ZMAT4: variants seen among roughly 807,000 people sequenced by gnomAD.
The protein encoded by ZMAT4 is zinc finger matrin-type 4, also known as zinc finger matrin-type protein 4.
In ZMAT4, 17 loss-of-function variants were observed where a neutral mutation model predicts 28.7. The ratio of observed to expected loss-of-function variants is 0.59; its 90% CI spans 0.41 to 0.89. The LOEUF is 0.89. Ranked by LOEUF, ZMAT4 falls within the 40% of genes least tolerant of loss-of-function variation. The probability of loss-of-function intolerance (pLI) is 0.00; values close to 1 mark genes in which losing one functional copy is unlikely to be tolerated. For missense variants in ZMAT4, 240 were observed against 283.8 expected (o/e 0.85, Z 1.11); for synonymous variants, 117 against 109.2 (o/e 1.07, Z -0.44).
chr8:40,847,218 CAA>C (rs3070386), intron 1 of ZMAT4, among the ~76,000 whole-genome samples: 32 of 120,484 alleles, frequency 2.7e-4, no homozygotes, highest in South Asian at 7.2e-4. Context: ...AACAAACAAA[CAA>C]AAAAAAAAAA....
intron 2 of ZMAT4, among the ~76,000 whole-genome samples, chr8:40,800,090 A>G (rs1814773319): frequency 1.3e-5 from 2 of 152,238 alleles, no homozygotes; most frequent in Non-Finnish European, 2.9e-5. Context: ...CATTTGCTGC[A>G]TGGCAGCATT....
At chr8:40,644,887 A>G (rs1370552924) in intron 5 of ZMAT4, among the ~76,000 whole-genome samples, 1 of 152,214 alleles carries the variant, frequency 6.6e-6, no homozygotes, top group Non-Finnish European at 1.5e-5. Context: ...TAATCCTGAG[A>G]GAAACATCAG....
intron 5 of ZMAT4, among the ~76,000 whole-genome samples, chr8:40,620,415 T>C (rs987607088): frequency 6.6e-6 from 1 of 152,206 alleles, no homozygotes; most frequent in African/African-American, 2.4e-5. Context: ...GTGAGATCAT[T>C]TTTCCCCAGA....
intron 1 of ZMAT4, among the ~76,000 whole-genome samples, chr8:40,875,339 G>C (rs1392824776): frequency 1.3e-5 from 2 of 151,898 alleles, no homozygotes. Context: ...CCCCAGGTGT[G>C]GTGACTGCAG....
At chr8:40,543,092 CTTT>C (rs111802848) in intron 6 of ZMAT4, among the ~76,000 whole-genome samples, 1 of 149,456 alleles carries the variant, frequency 6.7e-6, no homozygotes, top group Non-Finnish European at 1.5e-5. Flanking sequence ...TCTATGCTAA[CTTT>C]TTTTTTTTCT....
intron 2 of ZMAT4, among the ~76,000 whole-genome samples, chr8:40,820,605 C>G (rs1586111634): frequency 2.9e-5 from 1 of 34,990 alleles, no homozygotes; most frequent in Admixed American, 2.1e-4. Flanking sequence ...TGTGGGAGTG[C>G]ATGTGTGTGT....
chr8:40,617,409 A>G (rs41376746), intron 5 of ZMAT4, among the ~76,000 whole-genome samples: 2,398 of 152,294 alleles, frequency 0.016, 180 homozygotes, highest in East Asian at 0.1. Context: ...CAAAGTTTGA[A>G]CACTAGCAAT....
rs554801640 is a variant in ZMAT4 at position 40,552,590 on chromosome 8, T to C, written c.675-20352A>G. On this transcript the variant is annotated intron_variant, in intron 6 of 6. Coordinates refer to ENST00000297737, the MANE Select transcript of ZMAT4 (RefSeq NM_024645.3). ...TCTGTTTTGCCAGAGACATTATATT[T>C]TAAAGGAGACAGTGTATGAAAACAC... Among the ~76,000 whole-genome samples the C allele has an allele frequency of 2.0e-5, 3 of 152,234 alleles. No individual in the cohort carries two copies. In the South Asian group the frequency reaches 6.2e-4, roughly 32 times the overall value.
chr8:40,866,419 A>G (rs991163688), intron 1 of ZMAT4, among the ~76,000 whole-genome samples: 2 of 152,246 alleles, frequency 1.3e-5, no homozygotes, highest in African/African-American at 2.4e-5. Flanking sequence ...CACGTTTCCA[A>G]CAAACAATGT....
rs1441862418 is a variant in ZMAT4 at position 40,697,392 on chromosome 8, C to A, written c.202G>T (p.Ala68Ser). ...KRLRSENGSD[A>S]DMVDKNKCCT... ...CACTTGTTCTTATCCACCATGTCGG[C>A]ATCACTTCCCTGCGCAGGGAGAAAG... The change falls in exon 4 of 7, where the codon GCC (alanine) becomes TCC (serine). Residue 68 changes from alanine (A) to serine (S), a missense_variant. Ala to Ser is a moderately conservative substitution (Grantham distance 99, BLOSUM62 1). Transcript: ENST00000297737. 3 of 1,589,460 alleles carry A rather than the reference C, an allele frequency of 1.9e-6. No homozygotes were observed. The highest frequency in any genetic ancestry group is 1.7e-6 in the Non-Finnish European group (2 of 1,166,044).
chr8:40,543,634 T>C (rs573755535), intron 6 of ZMAT4, among the ~76,000 whole-genome samples: 1 of 152,348 alleles, frequency 6.6e-6, no homozygotes, highest in Non-Finnish European at 1.5e-5. Context: ...CTCAGTTCCC[T>C]AATCTCTAAA....
chr8:40,760,832 C>T (rs1283279459), intron 3 of ZMAT4, among the ~76,000 whole-genome samples: 1 of 152,034 alleles, frequency 6.6e-6, no homozygotes, highest in Non-Finnish European at 1.5e-5. Context: ...CACAGAGCTA[C>T]AGCAGATTTT....
chr8:40,574,188 T>C (rs1804188315), intron 6 of ZMAT4, among the ~76,000 whole-genome samples: 1 of 152,098 alleles, frequency 6.6e-6, no homozygotes, highest in African/African-American at 2.4e-5. Flanking sequence ...ATATTTGAAA[T>C]CCTTAAAAGC....
At chr8:40,589,698 C>T (rs1054855266) in intron 5 of ZMAT4, among the ~76,000 whole-genome samples, 8 of 129,102 alleles carry the variant, frequency 6.2e-5, no homozygotes, top group Non-Finnish European at 1.4e-4. Context: ...ACTTAGAGAC[C>T]TTCCTTCCTT....
chr8:40,723,254 TGG>T (rs1388463839), intron 3 of ZMAT4, among the ~76,000 whole-genome samples: 1 of 152,120 alleles, frequency 6.6e-6, no homozygotes, highest in Non-Finnish European at 1.5e-5. Flanking sequence ...CTCTAAAGAT[TGG>T]GTAGGACTGG....
chr8:40,838,806 T>C (rs1816594635), intron 1 of ZMAT4, among the ~76,000 whole-genome samples: 1 of 152,048 alleles, frequency 6.6e-6, no homozygotes. Flanking sequence ...AAGGAAGGAT[T>C]TGGAAGGTGA....
At chr8:40,741,633 C>G (rs979372026) in intron 3 of ZMAT4, among the ~76,000 whole-genome samples, 8 of 152,038 alleles carry the variant, frequency 5.3e-5, no homozygotes, top group African/African-American at 4.8e-5. Context: ...TTTCATATAT[C>G]GGTGCTGGGA....
chr8:40,815,697 T>C lies in ZMAT4; in HGVS notation c.102+9878A>G, dbSNP rs1324923639. ...AAAGGTAGGCACAAGAGAAATGCTA[T>C]AGGTCAGACATGCCACTTGGCACAC... On this transcript the variant is annotated intron_variant, in intron 2 of 6. Transcript: ENST00000297737. Among the ~76,000 whole-genome samples, 4 of 152,286 alleles carry C rather than the reference T, an allele frequency of 2.6e-5. No homozygotes were observed. The South Asian group carries it at 6.2e-4, about 24-fold the overall frequency.
intron 5 of ZMAT4, among the ~76,000 whole-genome samples, chr8:40,587,169 T>C (rs933638810): frequency 1.3e-5 from 2 of 152,020 alleles, no homozygotes; most frequent in African/African-American, 4.8e-5. Context: ...GAATTCTATT[T>C]CTAGCAAAAA....
Sources: gnomAD v4.1 joint callset for allele counts (sites outside exome capture counted in the v4.1 genomes callset) on GRCh38, gnomAD v4.1.1 for gene constraint, MANE v1.5 for transcripts, NCBI Gene and HGNC (gene_info 2026-07-23, HGNC 2026-07-21) for gene names.